Variants in TYW1 observed in about 807,000 individuals in gnomAD.
TYW1 encodes tRNA-yW synthesizing protein 1 homolog, also known as S-adenosyl-L-methionine-dependent tRNA 4-demethylwyosine synthase TYW1.
TYW1 carries 46 observed loss-of-function variants against 96.2 expected under a neutral mutation model. That is an observed-to-expected ratio of 0.48 (90% CI 0.38 to 0.61). The LOEUF (loss-of-function observed/expected upper bound fraction) is 0.61, where lower values mean the gene tolerates loss of function less well. Among genes scored for constraint, TYW1 ranks in the 20% least tolerant of loss-of-function variants. The probability of loss-of-function intolerance (pLI) is 0.00; values close to 1 mark genes in which losing one functional copy is unlikely to be tolerated. For missense variants in TYW1, 684 were observed against 909.6 expected (o/e 0.75, Z 3.19); for synonymous variants, 274 against 323.0 (o/e 0.85, Z 1.63).
chr7:67,237,650 T>C (rs4718498), intron 15 of TYW1, among the ~76,000 whole-genome samples: 72,793 of 151,034 alleles, frequency 0.48, 18,070 homozygotes, highest in African/African-American at 0.61. Context: ...TATTTCCTTC[T>C]GAGCCTCTTC....
intron 7 of TYW1, among the ~76,000 whole-genome samples, chr7:67,025,358 T>C (rs543027164): frequency 1.8e-3 from 211 of 117,174 alleles, no homozygotes; most frequent in African/African-American, 6.0e-3. Flanking sequence ...TAATGATAGC[T>C]GATGAGCTAA....
chr7:67,162,181 G>A (rs1054564258), intron 13 of TYW1, among the ~76,000 whole-genome samples: 7 of 151,902 alleles, frequency 4.6e-5, no homozygotes, highest in African/African-American at 1.7e-4. Context: ...GGGCGTGGTG[G>A]CGGGTGCCTG....
intron 15 of TYW1, among the ~76,000 whole-genome samples, chr7:67,197,056 G>A (rs56224758): frequency 0.15 from 23,445 of 152,168 alleles, 1,959 homozygotes; most frequent in African/African-American, 0.21. Context: ...ATTATGCGTG[G>A]AGTCAGATTG....
At chr7:67,067,750 C>A (rs1795908974) in intron 10 of TYW1, among the ~76,000 whole-genome samples, 1 of 151,988 alleles carries the variant, frequency 6.6e-6, no homozygotes. Flanking sequence ...ATCTTGCTCT[C>A]CTACATTGTT....
chr7:67,113,645 CT>C (rs66807566), intron 12 of TYW1, among the ~76,000 whole-genome samples: 128 of 143,130 alleles, frequency 8.9e-4, no homozygotes, highest in East Asian at 1.6e-3. Context: ...CTTTTTCTTT[CT>C]TTTTTTTTTT....
rs1562973511 is a variant in TYW1, at chr7:67,029,401, G to A, written c.984+4379G>A. On this transcript the variant is annotated intron_variant, in intron 7 of 15. Coordinates refer to ENST00000359626, the MANE Select transcript of TYW1 (RefSeq NM_018264.4). Reference sequence around the variant, plus strand: ...TGTGTGCGTGTGTGTGTGTGTGTGTGTGTGTGTGTGTGTGTATATATATAT... The same window carrying A: ...TGTGTGCGTGTGTGTGTGTGTGTGTATGTGTGTGTGTGTGTATATATATAT... Among the ~76,000 whole-genome samples, 22 of 74,844 alleles carry A rather than the reference G, an allele frequency of 2.9e-4. 1 individual carries two copies. In the East Asian group the frequency reaches 8.9e-3, roughly 30 times the overall value. 49.1% of individuals were successfully genotyped at this position (74,844 alleles called of 152,430 possible).
intron 7 of TYW1, among the ~76,000 whole-genome samples, chr7:67,044,689 G>A (rs1272696957): frequency 1.3e-5 from 2 of 151,850 alleles, no homozygotes; most frequent in Non-Finnish European, 2.9e-5. Flanking sequence ...GCACCATCTC[G>A]GCTCACTGCA....
intron 13 of TYW1, among the ~76,000 whole-genome samples, chr7:67,144,778 G>T (rs980978190): frequency 7.2e-5 from 11 of 151,920 alleles, no homozygotes; most frequent in African/African-American, 2.7e-4. Flanking sequence ...CCTCCTCTTT[G>T]TTTTTAATAT....
chr7:67,231,248 C>A (rs1173615423), intron 15 of TYW1, among the ~76,000 whole-genome samples: 1 of 152,206 alleles, frequency 6.6e-6, no homozygotes. Flanking sequence ...TATTGCCTCG[C>A]AGACTTTCAG....
At chr7:67,213,539 A>G (rs1022819742) in intron 15 of TYW1, among the ~76,000 whole-genome samples, 42 of 152,364 alleles carry the variant, frequency 2.8e-4, no homozygotes, top group African/African-American at 9.6e-4. Context: ...CAATTTTAAT[A>G]AAGTCCAACT....
At chr7:67,236,150 A>G (rs1801882628) in intron 15 of TYW1, among the ~76,000 whole-genome samples, 1 of 152,202 alleles carries the variant, frequency 6.6e-6, no homozygotes, top group Admixed American at 6.5e-5. Flanking sequence ...GGATTTAGGA[A>G]GACTTCCCAG....
intron 11 of TYW1, among the ~76,000 whole-genome samples, chr7:67,096,313 C>T (rs368187916): frequency 2.0e-5 from 3 of 152,150 alleles, no homozygotes; most frequent in African/African-American, 7.2e-5. Context: ...TGGCTTGAAC[C>T]GAGGAGGTGG....
rs571444720 is a variant in TYW1 at position 67,179,204 on chromosome 7, A to G, written c.1699-3922A>G. Among the ~76,000 whole-genome samples, 7 of 135,652 alleles carry G rather than the reference A, an allele frequency of 5.2e-5. 2 individuals are homozygous for G. The highest frequency in any genetic ancestry group is 1.5e-4 in the African/African-American group (5 of 33,246). 89.0% of individuals were successfully genotyped at this position (135,652 alleles called of 152,430 possible). ...GCAAATAAAGGGATGTGTTATTTAGAACTTTCTAGGAAAGGGGCAGTAACT... is the reference window on the plus strand; with the variant it reads ...GCAAATAAAGGGATGTGTTATTTAGGACTTTCTAGGAAAGGGGCAGTAACT... On this transcript the variant is annotated intron_variant, in intron 13 of 15. Coordinates refer to ENST00000359626, the MANE Select transcript of TYW1 (RefSeq NM_018264.4).
intron 13 of TYW1, among the ~76,000 whole-genome samples, chr7:67,122,746 C>T (rs1399048176): frequency 6.6e-6 from 1 of 152,122 alleles, no homozygotes; most frequent in African/African-American, 2.4e-5. Context: ...TGCTTGTTGG[C>T]CAGTAGTAGG....
At chr7:67,088,588 G>A (rs562829608) in intron 11 of TYW1, among the ~76,000 whole-genome samples, 2 of 152,264 alleles carry the variant, frequency 1.3e-5, no homozygotes, top group South Asian at 4.1e-4. Flanking sequence ...TAAAGGGATA[G>A]GGTCTTGTTC....
At chr7:67,071,122 C>A (rs1484515764) in intron 10 of TYW1, among the ~76,000 whole-genome samples, 6 of 143,198 alleles carry the variant, frequency 4.2e-5, no homozygotes, top group African/African-American at 1.6e-4. Context: ...CAGAGCAAGA[C>A]TCCGTCTCAA....
chr7:67,130,711 C>G (rs1401191206), intron 13 of TYW1, among the ~76,000 whole-genome samples: 1 of 151,854 alleles, frequency 6.6e-6, no homozygotes, highest in East Asian at 1.9e-4. Flanking sequence ...ATATAACACT[C>G]CAACACTCTT....
intron 15 of TYW1, among the ~76,000 whole-genome samples, chr7:67,229,773 G>C (rs185345068): frequency 6.6e-6 from 1 of 152,278 alleles, no homozygotes; most frequent in East Asian, 1.9e-4. Context: ...GGGCTGCATA[G>C]CAAGACTGTC....
intron 13 of TYW1, among the ~76,000 whole-genome samples, chr7:67,145,082 C>G (rs1251937746): frequency 7.2e-6 from 1 of 139,294 alleles, no homozygotes; most frequent in Non-Finnish European, 1.5e-5. Context: ...TGTTAGCAGT[C>G]TTTTACATAT....
Sources: allele counts gnomAD v4.1 joint callset (sites outside exome capture counted in the v4.1 genomes callset), GRCh38; gene constraint gnomAD v4.1.1; transcripts MANE v1.5; gene names NCBI Gene and HGNC (gene_info 2026-07-23, HGNC 2026-07-21).